The following MSRA variants were observed in gnomAD, a reference collection of about 807,000 sequenced individuals.
MSRA encodes the protein mitochondrial peptide methionine sulfoxide reductase.
A neutral mutation model predicts 31.3 loss-of-function variants in MSRA; 54 were observed. The observed-to-expected ratio is 1.73, with a 90% CI of 1.39 to 2.17. MSRA has a LOEUF of 2.17. MSRA is among the 30% of genes most tolerant of loss of function. The pLI is 0.00. For synonymous variants in MSRA, 169 were observed against 116.5 expected (o/e 1.45, Z -2.90); for missense variants, 507 against 300.9 (o/e 1.69, Z -5.07).
At chr8:10,158,134 C>G (rs1290420978) in intron 1 of MSRA, among the ~76,000 whole-genome samples, 1 of 152,178 alleles carries the variant, frequency 6.6e-6, no homozygotes, top group Non-Finnish European at 1.5e-5. Flanking sequence ...GGGCACTAAT[C>G]CCATCCATTA....
At chr8:10,411,008 C>T (rs1160799123) in intron 5 of MSRA, 1 of 147,648 alleles carries the variant, frequency 6.8e-6, no homozygotes, top group Non-Finnish European at 1.5e-5. Context: ...CTCGTCTTTC[C>T]TTCCTCCTTT....
chr8:10,216,976 G>C (rs977297497), intron 2 of MSRA, among the ~76,000 whole-genome samples: 1 of 152,182 alleles, frequency 6.6e-6, no homozygotes, highest in African/African-American at 2.4e-5. Context: ...TTGAGGAGCT[G>C]CCATATCATT....
At chr8:10,329,081 C>T (rs1802542995) in intron 5 of MSRA, among the ~76,000 whole-genome samples, 1 of 152,242 alleles carries the variant, frequency 6.6e-6, no homozygotes. Flanking sequence ...AGGATTAAGT[C>T]AGTGGGTGAT....
In MSRA at chr8:10,119,552, T is replaced by G. The variant is rs554403879; in HGVS notation, c.142+64894T>G. The stretch of plus-strand genomic sequence containing the variant: ...GTGTATTTGGTTCGCTGATCAGCAC[T>G]TGGGTTACCAAGATGATTAAAGCAC... On this transcript the variant is annotated intron_variant, in intron 1 of 5. Transcript: ENST00000317173. Among the ~76,000 whole-genome samples, 91 of 152,328 alleles carry G rather than the reference T, an allele frequency of 6.0e-4. No individual in the cohort carries two copies. The South Asian group carries it at 8.7e-3, about 15-fold the overall frequency.
intron 1 of MSRA, among the ~76,000 whole-genome samples, chr8:10,101,952 A>G (rs1799557257): frequency 6.6e-6 from 1 of 152,042 alleles, no homozygotes; most frequent in Non-Finnish European, 1.5e-5. Context: ...GCGCAACTTC[A>G]GTTGTACTCC....
At chr8:10,356,222 T>C (rs1804499052) in intron 5 of MSRA, among the ~76,000 whole-genome samples, 1 of 152,248 alleles carries the variant, frequency 6.6e-6, no homozygotes, top group South Asian at 2.1e-4. Context: ...GTTTTCCGTA[T>C]GGTTACTCAG....
At chr8:10,276,782 A>G (rs573695369) in intron 3 of MSRA, among the ~76,000 whole-genome samples, 5 of 152,300 alleles carry the variant, frequency 3.3e-5, no homozygotes, top group African/African-American at 9.6e-5. Flanking sequence ...TTTTTTATGT[A>G]AAACTAATAA....
chr8:10,079,707 C>A (rs17739179), intron 1 of MSRA, among the ~76,000 whole-genome samples: 13,644 of 152,154 alleles, frequency 0.09, 706 homozygotes, highest in African/African-American at 0.13. Context: ...TTACAGCGCT[C>A]TTGGCTATCC....
At chr8:10,103,926 T>C (rs1361882586) in intron 1 of MSRA, among the ~76,000 whole-genome samples, 2 of 152,170 alleles carry the variant, frequency 1.3e-5, no homozygotes, top group Non-Finnish European at 2.9e-5. Flanking sequence ...TTCATGCACA[T>C]TTTTCTGGAA....
chr8:10,075,871 T>C (rs1005231908), intron 1 of MSRA, among the ~76,000 whole-genome samples: 4 of 152,220 alleles, frequency 2.6e-5, no homozygotes, highest in African/African-American at 7.2e-5. Flanking sequence ...TACCAAGATA[T>C]GGAGACTCAT....
chr8:10,363,428 C>T (rs1048973772), intron 5 of MSRA, among the ~76,000 whole-genome samples: 4 of 152,176 alleles, frequency 2.6e-5, no homozygotes, highest in African/African-American at 9.6e-5. Context: ...TTTACCTGCG[C>T]AGACACAGCA....
chr8:10,419,209 C>A (rs985800463), intron 5 of MSRA, among the ~76,000 whole-genome samples: 1 of 152,176 alleles, frequency 6.6e-6, no homozygotes, highest in Admixed American at 6.5e-5. Context: ...GCACCTCTCA[C>A]GTGTCGCAGG....
chr8:10,253,411 G>A (rs1798018749), intron 3 of MSRA, among the ~76,000 whole-genome samples: 1 of 152,206 alleles, frequency 6.6e-6, no homozygotes, highest in Admixed American at 6.5e-5. Context: ...AGGTGCAGCG[G>A]TCAAAGGTCA....
chr8:10,368,821 C>G (rs185336144), intron 5 of MSRA, among the ~76,000 whole-genome samples: 1 of 152,316 alleles, frequency 6.6e-6, no homozygotes, highest in East Asian at 1.9e-4. Flanking sequence ...CCTGTCTTGT[C>G]ACTTTTCCCT....
At chr8:10,232,092 T>A (rs565234008) in intron 2 of MSRA, among the ~76,000 whole-genome samples, 1 of 152,108 alleles carries the variant, frequency 6.6e-6, no homozygotes, top group Admixed American at 6.5e-5. Context: ...AGCCTAACTT[T>A]CTAGGATCCC....
chr8:10,350,164 GCAGTCTT>G (rs1311360728), intron 5 of MSRA, among the ~76,000 whole-genome samples: 1 of 152,344 alleles, frequency 6.6e-6, no homozygotes, highest in East Asian at 1.9e-4. Context: ...AATTTGGTCT[GCAGTCTT>G]CGTTTCTTTC....
chr8:10,304,993 G>A (rs1316339209), intron 4 of MSRA, among the ~76,000 whole-genome samples: 1 of 152,222 alleles, frequency 6.6e-6, no homozygotes, highest in East Asian at 1.9e-4. Context: ...AAGTTGAAAA[G>A]TCATTGACAT....
At position 10,428,506 on chromosome 8, in the gene MSRA, AAGTTATGGTGGG is replaced by A; in HGVS notation, c.*198_*209del. On this transcript the variant is annotated 3_prime_UTR_variant, in exon 6 of 6. Transcript: ENST00000317173. Reference sequence around the variant, plus strand: ...GATAAAATGTGACTTATCTCCTAATAAGTTATGGTGGGAGTGGAGCTGTGCAGTTTCCTGTGT... The same window carrying A: ...GATAAAATGTGACTTATCTCCTAATAAGTGGAGCTGTGCAGTTTCCTGTGT... The A allele has an allele frequency of 1.7e-6, 1 of 589,114 alleles. No individual in the cohort carries two copies. Among genetic ancestry groups the A allele is most frequent in the Non-Finnish European group, 2.9e-6 (1 of 341,972 alleles). The allele number at this position is 589,114 out of a possible 1,614,324, so 36.5% of individuals were successfully genotyped here. A position where few individuals can be genotyped will look rare whatever the true frequency, so the allele number is the denominator to read the frequency against.
intron 2 of MSRA, among the ~76,000 whole-genome samples, chr8:10,241,543 T>G (rs1812413451): frequency 1.3e-5 from 2 of 152,214 alleles, no homozygotes; most frequent in Admixed American, 6.5e-5. Flanking sequence ...CTGTCCCATG[T>G]GAATTGTACC....
Sources: gnomAD v4.1 joint callset for allele counts (sites outside exome capture counted in the v4.1 genomes callset) on GRCh38, gnomAD v4.1.1 for gene constraint, MANE v1.5 for transcripts, NCBI Gene and HGNC (gene_info 2026-07-23, HGNC 2026-07-21) for gene names.